The following IGF1R variants were observed in gnomAD, a reference collection of about 807,000 sequenced individuals.
The protein encoded by IGF1R is insulin-like growth factor 1 receptor.
Under a neutral mutation model 144.6 loss-of-function variants are expected in IGF1R, and 44 were observed. The observed-to-expected ratio is 0.30, with a 90% CI of 0.24 to 0.39. IGF1R has a LOEUF of 0.39. Ranked by LOEUF, IGF1R falls within the 10% of genes least tolerant of loss-of-function variation. The pLI is 1.00. For synonymous variants in IGF1R, 795 were observed against 722.8 expected (o/e 1.10, Z -1.60); for missense variants, 1,355 against 1,833.7 (o/e 0.74, Z 4.77).
intron 2 of IGF1R, among the ~76,000 whole-genome samples, chr15:98,742,543 G>T (rs1472033926): frequency 6.6e-6 from 1 of 152,150 alleles, no homozygotes; most frequent in Non-Finnish European, 1.5e-5. Context: ...TAATTCTGTA[G>T]AGTTAACCCT....
At chr15:98,899,901 C>T (rs530255808) in intron 5 of IGF1R, among the ~76,000 whole-genome samples, 28 of 152,206 alleles carry the variant, frequency 1.8e-4, no homozygotes, top group Non-Finnish European at 3.2e-4. Flanking sequence ...AGACGGCAGA[C>T]GGGGGTGCGC....
chr15:98,822,800 A>AAG (rs1363691892), intron 2 of IGF1R, among the ~76,000 whole-genome samples: 16 of 152,344 alleles, frequency 1.1e-4, no homozygotes, highest in African/African-American at 3.8e-4. Flanking sequence ...TCACATTGCT[A>AAG]AGATGTAAAA....
Position 98,845,557 on chromosome 15 carries a change from CCTCTT to C in IGF1R, c.641-45763_641-45759del, listed in dbSNP as rs1033654603. On this transcript the variant is annotated intron_variant, in intron 2 of 20. Coordinates refer to ENST00000650285, the MANE Select transcript of IGF1R (RefSeq NM_000875.5). The stretch of plus-strand genomic sequence containing the variant: ...CTTCCTCCTCCTCCCCCTCCTCTCT[CCTCTT>C]CTCTCGTTTCTCTTCTCTCTCTTCT... Among the ~76,000 whole-genome samples, 9 of 146,300 alleles carry C rather than the reference CCTCTT, an allele frequency of 6.2e-5. No homozygotes were observed. The South Asian group carries it at 1.6e-3, about 27-fold the overall frequency.
At chr15:98,828,940 A>G (rs1043414827) in intron 2 of IGF1R, among the ~76,000 whole-genome samples, 3 of 152,118 alleles carry the variant, frequency 2.0e-5, no homozygotes, top group African/African-American at 7.2e-5. Context: ...TGCTACGTGA[A>G]CTACTTGAGA....
chr15:98,935,466 C>T lies in IGF1R; in HGVS notation c.3297+40C>T. 8.6e-7 allele frequency: 1 copy of T among 1,156,376 alleles called. No individual in the cohort carries two copies. Among genetic ancestry groups the T allele is most frequent in the Non-Finnish European group, 1.3e-6 (1 of 785,812 alleles). 71.6% of individuals were successfully genotyped at this position (1,156,376 alleles called of 1,614,324 possible). On this transcript the variant is annotated intron_variant, in intron 17 of 20. Transcript: ENST00000650285. The surrounding 1 kb of genome is among the most constrained non-coding windows in gnomAD (Gnocchi z 4.2). ...CCACCGGTATTGCATGTTGCCTGGC[C>T]TGCTCTCTTTTCCTTTATAATCTCC...
chr15:98,899,705 C>G, intron 5 of IGF1R, 84 bp downstream of exon 5: 1 of 1,356,454 alleles, frequency 7.4e-7, no homozygotes, highest in African/African-American at 1.4e-5. Flanking sequence ...AGGTAAGAGC[C>G]CTCCCTGCCT....
chr15:98,948,245 G>A (rs1447594989), intron 19 of IGF1R, among the ~76,000 whole-genome samples: 3 of 152,142 alleles, frequency 2.0e-5, no homozygotes, highest in Admixed American at 6.5e-5. Context: ...ATAAATGGCC[G>A]GGACTAGGTA....
At chr15:98,689,507 G>A (rs1188676907) in intron 1 of IGF1R, among the ~76,000 whole-genome samples, 1 of 151,674 alleles carries the variant, frequency 6.6e-6, no homozygotes, top group Admixed American at 6.6e-5. Context: ...GATTACAGGC[G>A]TGAGTCACTG....
chr15:98,721,712 A>G (rs532889333), intron 2 of IGF1R, among the ~76,000 whole-genome samples: 1 of 152,310 alleles, frequency 6.6e-6, no homozygotes, highest in South Asian at 2.1e-4. Context: ...GGAATTTTAT[A>G]AAGAGATTTA....
chr15:98,699,358 TC>T (rs1247543903), intron 1 of IGF1R, among the ~76,000 whole-genome samples: 3 of 152,196 alleles, frequency 2.0e-5, no homozygotes, highest in Non-Finnish European at 2.9e-5. Context: ...GTGTCCTGCT[TC>T]ATCGAGAAGC....
chr15:98,760,940 G>A (rs1404577089), intron 2 of IGF1R, among the ~76,000 whole-genome samples: 3 of 152,250 alleles, frequency 2.0e-5, no homozygotes, highest in South Asian at 2.1e-4. Context: ...ATTTATGAAA[G>A]CATTTCAAAG....
chr15:98,914,452 T>A (rs2015154444), intron 8 of IGF1R, among the ~76,000 whole-genome samples: 1 of 152,178 alleles, frequency 6.6e-6, no homozygotes, highest in South Asian at 2.1e-4. Flanking sequence ...GCCTGCTCCT[T>A]CCTCCACTCC....
intron 1 of IGF1R, among the ~76,000 whole-genome samples, chr15:98,659,101 T>C (rs945795472): frequency 6.6e-6 from 1 of 152,242 alleles, no homozygotes; most frequent in Non-Finnish European, 1.5e-5. Flanking sequence ...ATATAAGGCT[T>C]ACTTGATGTT....
chr15:98,926,898 C>G (rs1227250209), intron 13 of IGF1R, among the ~76,000 whole-genome samples: 2 of 152,194 alleles, frequency 1.3e-5, no homozygotes, highest in Non-Finnish European at 2.9e-5. Flanking sequence ...TCATAATATT[C>G]CTGCAGCCTT....
chr15:98,750,541 C>T (rs75831866), intron 2 of IGF1R, among the ~76,000 whole-genome samples: 5,087 of 152,276 alleles, frequency 0.033, 96 homozygotes, highest in East Asian at 0.052. Flanking sequence ...TTGCCCAAAA[C>T]TGCTGGGCAA....
intron 2 of IGF1R, among the ~76,000 whole-genome samples, chr15:98,724,008 T>G (rs932639895): frequency 1.3e-5 from 2 of 152,206 alleles, no homozygotes; most frequent in African/African-American, 2.4e-5. Context: ...TGGAGCAGTT[T>G]AGGCCAATCC....
At chr15:98,735,048 C>G (rs966461414) in intron 2 of IGF1R, among the ~76,000 whole-genome samples, 2 of 152,130 alleles carry the variant, frequency 1.3e-5, no homozygotes, top group African/African-American at 4.8e-5. Context: ...AATGGCAGTG[C>G]TGATTAGATT....
At chr15:98,816,057 G>A (rs1294443439) in intron 2 of IGF1R, among the ~76,000 whole-genome samples, 2 of 152,146 alleles carry the variant, frequency 1.3e-5, no homozygotes, top group Non-Finnish European at 2.9e-5. Context: ...CAGCCATTTT[G>A]TGATCTGCCC....
intron 2 of IGF1R, among the ~76,000 whole-genome samples, chr15:98,776,817 T>A (rs1390623501): frequency 1.3e-5 from 2 of 152,146 alleles, no homozygotes; most frequent in Admixed American, 1.3e-4. Flanking sequence ...GAGAACCACA[T>A]CTTAAAACGC....
Sources: allele counts gnomAD v4.1 joint callset (sites outside exome capture counted in the v4.1 genomes callset), GRCh38; gene constraint gnomAD v4.1.1; non-coding constraint Gnocchi (gnomAD v3.1); transcripts MANE v1.5; gene names NCBI Gene and HGNC (gene_info 2026-07-23, HGNC 2026-07-21).